BLM: variants seen among roughly 807,000 people sequenced by gnomAD.
BLM encodes the protein recQ-like DNA helicase BLM.
A neutral mutation model predicts 135.3 loss-of-function variants in BLM; 95 were observed. The observed-to-expected ratio is 0.70, with a 90% CI of 0.59 to 0.83. The LOEUF is 0.83. BLM is among the 40% of genes least tolerant of loss of function. The pLI is 0.00. For synonymous variants in BLM, 520 were observed against 589.2 expected (o/e 0.88, Z 1.70); for missense variants, 1,518 against 1,663.9 (o/e 0.91, Z 1.53).
chr15:90,811,488 G>C (rs1211981465), intron 21 of BLM, 82 bp downstream of exon 21: 32 of 1,428,248 alleles, frequency 2.2e-5, no homozygotes. Flanking sequence ...TGCTTTGAAG[G>C]ATTTATTAAA....
At chr15:90,742,383 A>C (rs549223633) in intron 1 of BLM, among the ~76,000 whole-genome samples, 1 of 152,104 alleles carries the variant, frequency 6.6e-6, no homozygotes, top group Non-Finnish European at 1.5e-5. Context: ...AAACATCTAA[A>C]TGTTACTTGG....
At chr15:90,732,645 C>A (rs1895098456) in intron 1 of BLM, among the ~76,000 whole-genome samples, 1 of 145,484 alleles carries the variant, frequency 6.9e-6, no homozygotes, top group African/African-American at 2.5e-5. Context: ...ATCTTCAGTA[C>A]ATATTATAAA....
At chr15:90,767,116 A>G (rs1005706512) in intron 10 of BLM, 93 bp downstream of exon 10, 4 of 775,542 alleles carry the variant, frequency 5.2e-6, no homozygotes, top group Admixed American at 6.3e-5. Flanking sequence ...TACGTAGTGC[A>G]AAGAATTTTT....
chr15:90,812,965 A>G (rs1897460561), intron 21 of BLM, among the ~76,000 whole-genome samples: 1 of 152,154 alleles, frequency 6.6e-6, no homozygotes, highest in African/African-American at 2.4e-5. Flanking sequence ...GGAAATACTC[A>G]TTTCCTCAGT....
At chr15:90,745,673 A>G (rs935875450) in intron 1 of BLM, among the ~76,000 whole-genome samples, 2 of 152,158 alleles carry the variant, frequency 1.3e-5, no homozygotes, top group African/African-American at 4.8e-5. Flanking sequence ...AGCCTCCTAA[A>G]GTGCTGGGTC....
intron 21 of BLM, among the ~76,000 whole-genome samples, chr15:90,813,920 G>C (rs1369677176): frequency 6.6e-6 from 1 of 152,216 alleles, no homozygotes; most frequent in African/African-American, 2.4e-5. Flanking sequence ...CAATGAACCA[G>C]TTGTGTTCTG....
chr15:90,778,882 A>G (rs1277635124), intron 12 of BLM, among the ~76,000 whole-genome samples: 1 of 131,926 alleles, frequency 7.6e-6, no homozygotes, highest in African/African-American at 2.8e-5. Flanking sequence ...TCTATGTTTA[A>G]CCCTTTCTTT....
At chr15:90,751,742 C>T (rs1352654408) in intron 3 of BLM, 45 bp from the exon 4 acceptor site, 6 of 1,541,836 alleles carry the variant, frequency 3.9e-6, no homozygotes. Context: ...CTTTCTGTCT[C>T]ATTAGTGGTT....
intron 19 of BLM, among the ~76,000 whole-genome samples, chr15:90,804,657 G>T (rs985227418): frequency 6.6e-6 from 1 of 151,996 alleles, no homozygotes; most frequent in African/African-American, 2.4e-5. Context: ...TAGAGACAGA[G>T]TTTCACCATG....
chr15:90,756,127 G>T (rs184526545), intron 5 of BLM, among the ~76,000 whole-genome samples: 11 of 148,544 alleles, frequency 7.4e-5, no homozygotes, highest in Admixed American at 4.7e-4. Context: ...TTTTTGAGAC[G>T]GAGTCTCGCT....
Position 90,765,420 on chromosome 15 carries a change from T to C in BLM, c.2193+6T>C. 6.4e-7 allele frequency: 1 copy of C among 1,573,044 alleles called. No homozygotes were observed. The highest frequency in any genetic ancestry group is 8.7e-7 in the Non-Finnish European group (1 of 1,143,240). ...AAAAGCTGACTTCCTTGGATGTAAG[T>C]TATAAAAATACTAATAAAAACACGC... On this transcript the variant is annotated splice_donor_region_variant and intron_variant, in intron 9 of 21. Coordinates refer to ENST00000355112, the MANE Select transcript of BLM (RefSeq NM_000057.4).
intron 12 of BLM, 128 bp downstream of exon 12, chr15:90,769,714 G>A (rs1202765691): frequency 9.0e-7 from 1 of 1,110,096 alleles, no homozygotes; most frequent in African/African-American, 1.8e-5. Flanking sequence ...TGCCCAAGTT[G>A]TAACCCGATG....
At chr15:90,762,916 T>C (rs1896023191) in intron 7 of BLM, 50 bp from the exon 8 acceptor site, 1 of 1,522,164 alleles carries the variant, frequency 6.6e-7, no homozygotes, top group Non-Finnish European at 9.1e-7. Context: ...AAAGCTGTAC[T>C]TTCACTGTAT....
chr15:90,732,767 T>A (rs1895101842), intron 1 of BLM, among the ~76,000 whole-genome samples: 1 of 152,058 alleles, frequency 6.6e-6, no homozygotes, highest in Non-Finnish European at 1.5e-5. Flanking sequence ...GAGAAATTAG[T>A]AAGAGAACAG....
At chr15:90,791,763 A>G (rs919107343) in intron 15 of BLM, among the ~76,000 whole-genome samples, 11 of 151,880 alleles carry the variant, frequency 7.2e-5, no homozygotes, top group African/African-American at 2.7e-4. Context: ...TTCAGCTTCC[A>G]GAGTAGCTGG....
chr15:90,797,169 T>G (rs1897046764), intron 16 of BLM, among the ~76,000 whole-genome samples: 1 of 151,870 alleles, frequency 6.6e-6, no homozygotes, highest in Non-Finnish European at 1.5e-5. Flanking sequence ...ATCCCAGCAC[T>G]TTGGGAGGCT....
intron 21 of BLM, among the ~76,000 whole-genome samples, chr15:90,811,693 T>C (rs1567067193): frequency 6.6e-6 from 1 of 152,234 alleles, no homozygotes; most frequent in Non-Finnish European, 1.5e-5. Context: ...AGTCTGACTC[T>C]GTTGCCCAGG....
chr15:90,774,297 CCTG>C (rs1896411542), intron 12 of BLM, among the ~76,000 whole-genome samples: 1 of 151,012 alleles, frequency 6.6e-6, no homozygotes, highest in Admixed American at 6.6e-5. Flanking sequence ...TTCTCAAACT[CCTG>C]ACCTCAGGTG....
At chr15:90,720,206 G>A (rs1396705792) in intron 1 of BLM, among the ~76,000 whole-genome samples, 1 of 152,122 alleles carries the variant, frequency 6.6e-6, no homozygotes, top group Non-Finnish European at 1.5e-5. Flanking sequence ...CAGTAATAAT[G>A]TCTTTCCCAT....
Sources: allele counts gnomAD v4.1 joint callset (sites outside exome capture counted in the v4.1 genomes callset), GRCh38; gene constraint gnomAD v4.1.1; transcripts MANE v1.5; gene names NCBI Gene and HGNC (gene_info 2026-07-23, HGNC 2026-07-21).